The following EIF4A1 variants were observed in gnomAD, a reference collection of about 807,000 sequenced individuals.
EIF4A1 encodes the protein eukaryotic initiation factor 4A-I.
In EIF4A1, 11 loss-of-function variants were observed where a neutral mutation model predicts 53.5. That is an observed-to-expected ratio of 0.21 (90% CI 0.13 to 0.34). EIF4A1 has a LOEUF of 0.34. EIF4A1 is among the 10% of genes least tolerant of loss of function. EIF4A1 has a pLI of 1.00. For synonymous variants in EIF4A1, 237 were observed against 186.7 expected, an observed-to-expected ratio of 1.27 and a Z score of -2.20; for missense variants, 213 against 530.8, an observed-to-expected ratio of 0.40 and a Z score of 5.88.
At chr17:7,574,889 C>A in intron 3 of EIF4A1, 3 of 1,034,326 alleles carry the variant, frequency 2.9e-6, no homozygotes, top group Non-Finnish European at 4.5e-6. Context: ...CTTATATTTG[C>A]ATCTACAGCC....
intron 1 of EIF4A1, chr17:7,573,224 G>A (rs533401576): frequency 4.6e-6 from 2 of 432,172 alleles, no homozygotes; most frequent in South Asian, 2.7e-5. Context: ...CGGCAGGTCC[G>A]GTTGCCTCCC....
rs1347391869 is a variant in EIF4A1 at position 7,574,192 on chromosome 17, G to A, written c.24-68G>A. The A allele has an allele frequency of 7.0e-6, 11 of 1,582,150 alleles. No individual in the cohort carries two copies. In the African/African-American group the frequency reaches 1.5e-4, roughly 21 times the overall value. ...CATCATGCAGGCCACTCCTGACAGA[G>A]CCCGGCTGTCAGGATTTCTGAGTGC... On this transcript the variant is annotated intron_variant, in intron 1 of 10. Transcript: ENST00000293831.
At chr17:7,575,853 A>G (rs1233189502) in intron 4 of EIF4A1, 3 of 192,100 alleles carry the variant, frequency 1.6e-5, no homozygotes, top group Non-Finnish European at 3.3e-5. Flanking sequence ...GCAATAGGAC[A>G]TGGATATGCA....
rs538141104 is a variant in EIF4A1, at chr17:7,577,008, C to T, written c.515-48C>T. ...AGCGAAGTTGGATATATCTCTCCCA[C>T]ATTTCCCTAATCATATGCTATATAT... On this transcript the variant is annotated intron_variant, in intron 5 of 10. Transcript: ENST00000293831. This position sits in a 1 kb window ranked among gnomAD's most constrained non-coding sequence, Gnocchi z 4.7. 3 of 1,602,444 alleles carry T rather than the reference C, an allele frequency of 1.9e-6. No homozygotes were observed. Among genetic ancestry groups the T allele is most frequent in the South Asian group, 1.1e-5 (1 of 90,368 alleles).
intron 4 of EIF4A1, 25 bp from the exon 5 acceptor site, chr17:7,576,499 T>A: frequency 6.5e-7 from 1 of 1,536,858 alleles, no homozygotes; most frequent in South Asian, 1.2e-5. Flanking sequence ...AACTGACATA[T>A]GAGCACCTGC....
rs2071414892 is a variant in EIF4A1, at chr17:7,577,259, C to G, written c.625-85C>G. ...TGGATTCTTGAGCCTTTTTATGCAT[C>G]TGCTTCAGTTTTAGGTGTGGCTAGG... On this transcript the variant is annotated intron_variant, in intron 6 of 10. Coordinates refer to ENST00000293831, the MANE Select transcript of EIF4A1 (RefSeq NM_001416.4). This position sits in a 1 kb window ranked among gnomAD's most constrained non-coding sequence, Gnocchi z 4.7. The G allele has an allele frequency of 1.3e-6, 2 of 1,574,618 alleles. No individual in the cohort carries two copies. Among genetic ancestry groups the G allele is most frequent in the South Asian group, 2.4e-5 (2 of 84,292 alleles).
In EIF4A1 at chr17:7,575,228, C is replaced by A. The variant is rs759692707; in HGVS notation, c.315C>A (p.Val105=). 6.2e-7 allele frequency: 1 copy of A among 1,613,966 alleles called. No homozygotes were observed. Among genetic ancestry groups the A allele is most frequent in the South Asian group, 1.1e-5 (1 of 91,056 alleles). ...ELDLKATQAL[V]LAPTRELAQQ... ...ATCTAAAAGCCACCCAGGCCTTGGT[C>A]CTAGCACCCACTCGAGAATTGGCTC... The change falls in exon 4 of 11, where the codon GTC becomes GTA. Residue 105 remains valine, a synonymous_variant. Coordinates refer to ENST00000293831, the MANE Select transcript of EIF4A1 (RefSeq NM_001416.4).
At position 7,577,586 on chromosome 17, in the gene EIF4A1, A is replaced by C. The variant is rs1399742079; in HGVS notation, c.786A>C (p.Thr262=). The C allele has an allele frequency of 6.2e-7, 1 of 1,613,500 alleles. No homozygotes were observed. The highest frequency in any genetic ancestry group is 8.5e-7 in the Non-Finnish European group (1 of 1,179,816). The change falls in exon 8 of 11, where the codon ACA becomes ACC. Residue 262 remains threonine, a synonymous_variant. Coordinates refer to ENST00000293831, the MANE Select transcript of EIF4A1 (RefSeq NM_001416.4). The surrounding 1 kb of genome is among the most constrained non-coding windows in gnomAD (Gnocchi z 4.7). ...ACCTCCAGGAGTGGAAGCTGGACACACTATGTGACTTGTATGAAACCCTGA... is the reference window on the plus strand; with the variant it reads ...ACCTCCAGGAGTGGAAGCTGGACACCCTATGTGACTTGTATGAAACCCTGA... The part of the protein sequence containing the change: ...NVEREEWKLD[T]LCDLYETLTI...
Position 7,572,898 on chromosome 17 carries a change from T to C in EIF4A1, c.23+34T>C, listed in dbSNP as rs776826158. On this transcript the variant is annotated intron_variant, in intron 1 of 10. Transcript: ENST00000293831. ...GGCATTTGCAAGAGATTGTGGCTGC[T>C]TATTTTGCCGCCCCCTTCCGACGGG... 102 of 1,613,970 alleles carry C rather than the reference T, an allele frequency of 6.3e-5. 2 individuals are homozygous for C. Among genetic ancestry groups the C allele is most frequent in the Non-Finnish European group, 9.3e-6 (11 of 1,179,954 alleles).
chr17:7,575,500 TTGAC>T, intron 4 of EIF4A1: 1 of 633,590 alleles, frequency 1.6e-6, no homozygotes, highest in Non-Finnish European at 2.8e-6. Flanking sequence ...CTGGGCAAGT[TTGAC>T]TGTGTTCTGA....
chr17:7,577,788 T>C lies in EIF4A1; in HGVS notation c.907-39T>C. 6.2e-7 allele frequency: 1 copy of C among 1,614,080 alleles called. No individual in the cohort carries two copies. The highest frequency in any genetic ancestry group is 1.1e-5 in the South Asian group (1 of 91,072). On this transcript the variant is annotated intron_variant, in intron 8 of 10. Coordinates refer to ENST00000293831, the MANE Select transcript of EIF4A1 (RefSeq NM_001416.4). This position sits in a 1 kb window ranked among gnomAD's most constrained non-coding sequence, Gnocchi z 4.7. Reference sequence around the variant, plus strand: ...GAAGCCAGGGTTCCTGGAACCCAGGTGCCTACCTGGTCTGCTGCATATTTG... The same window carrying C: ...GAAGCCAGGGTTCCTGGAACCCAGGCGCCTACCTGGTCTGCTGCATATTTG...
intron 3 of EIF4A1, 128 bp from the exon 4 acceptor site, chr17:7,574,991 T>G (rs2071381955): frequency 1.5e-6 from 2 of 1,318,316 alleles, no homozygotes; most frequent in Admixed American, 1.8e-5. Flanking sequence ...CTGTGTTGAT[T>G]GGGAAGGTAG....
rs1396717396 is a variant in EIF4A1 at position 7,577,726 on chromosome 17, G to C, written c.906+20G>C. Reference sequence around the variant, plus strand: ...GCCATGGTGTGTTTGCCCGCTGCCAGCCTGTTGTGGGTCTGCCCGTCAGAA... The same window carrying C: ...GCCATGGTGTGTTTGCCCGCTGCCACCCTGTTGTGGGTCTGCCCGTCAGAA... On this transcript the variant is annotated intron_variant, in intron 8 of 10. Transcript: ENST00000293831. This position sits in a 1 kb window ranked among gnomAD's most constrained non-coding sequence, Gnocchi z 4.7. 3.1e-6 allele frequency: 5 copies of C among 1,613,760 alleles called. No individual in the cohort carries two copies. In the East Asian group the frequency reaches 1.1e-4, roughly 36 times the overall value.
Position 7,578,563 on chromosome 17 carries a change from G to A in EIF4A1, c.*77G>A, listed in dbSNP as rs2071434615. 1 of 1,445,200 alleles carries A rather than the reference G, an allele frequency of 6.9e-7. No individual in the cohort carries two copies. The highest frequency in any genetic ancestry group is 9.1e-7 in the Non-Finnish European group (1 of 1,095,892). 89.5% of individuals were successfully genotyped at this position (1,445,200 alleles called of 1,614,324 possible). The stretch of plus-strand genomic sequence containing the variant: ...GGAGCAGCAGGAGGGGGGAGGGAAG[G>A]GAGCCAAGGGATGGACATCTTGTCA... On this transcript the variant is annotated 3_prime_UTR_variant, in exon 11 of 11. Coordinates refer to ENST00000293831, the MANE Select transcript of EIF4A1 (RefSeq NM_001416.4).
Position 7,578,411 on chromosome 17 carries a change from G to A in EIF4A1, c.1146G>A (p.Arg382=), listed in dbSNP as rs751519079. The A allele has an allele frequency of 3.7e-6, 6 of 1,613,726 alleles. No individual in the cohort carries two copies. In the Admixed American group the frequency reaches 8.3e-5, roughly 22 times the overall value. ...ACATGGTGACAGAAGAAGACAAGAG[G>A]ACTCTTCGAGACATTGAGACCTTCT... The part of the protein sequence containing the change: ...AINMVTEEDK[R]TLRDIETFYN... The change falls in exon 11 of 11, where the codon AGG becomes AGA. Residue 382 remains arginine, a synonymous_variant. Transcript: ENST00000293831.
At chr17:7,575,597 C>T (rs1018400750) in intron 4 of EIF4A1, 1 of 407,846 alleles carries the variant, frequency 2.5e-6, no homozygotes, top group African/African-American at 2.0e-5. Context: ...CAGTCCTTTT[C>T]ACCCTTGCTT....
intron 2 of EIF4A1, 109 bp from the exon 3 acceptor site, chr17:7,574,437 G>C: frequency 6.2e-7 from 1 of 1,602,468 alleles, no homozygotes. Flanking sequence ...GAGGAGGGTT[G>C]TAAGCTCTGA....
rs374235835 is a variant in EIF4A1 at position 7,575,642 on chromosome 17, C to G, written c.345+384C>G. The G allele has an allele frequency of 8.3e-4, 297 of 357,656 alleles. 1 individual carries two copies. Among genetic ancestry groups the G allele is most frequent in the African/African-American group, 5.5e-3 (262 of 47,424 alleles). The allele number at this position is 357,656 out of a possible 1,614,324, so 22.2% of individuals were successfully genotyped here. A position where few individuals can be genotyped will look rare whatever the true frequency, so the allele number is the denominator to read the frequency against. On this transcript the variant is annotated intron_variant, in intron 4 of 10. Transcript: ENST00000293831. Reference sequence around the variant, plus strand: ...AGCTGTTTCATGCCTGGGGCACACACAATTCTAATGCTGGACTTTTTCCTG... The same window carrying G: ...AGCTGTTTCATGCCTGGGGCACACAGAATTCTAATGCTGGACTTTTTCCTG...
intron 10 of EIF4A1, 40 bp from the exon 11 acceptor site, chr17:7,578,302 A>C: frequency 6.2e-7 from 1 of 1,610,524 alleles, no homozygotes; most frequent in Non-Finnish European, 8.5e-7. Context: ...CCCTGGGCTT[A>C]AAGCTCCTGA....
Sources: allele counts gnomAD v4.1 joint callset, GRCh38; gene constraint gnomAD v4.1.1; non-coding constraint Gnocchi (gnomAD v3.1); transcripts MANE v1.5; gene names NCBI Gene and HGNC (gene_info 2026-07-23, HGNC 2026-07-21).